PARD3B: variants seen among roughly 807,000 people sequenced by gnomAD.
PARD3B encodes the protein par-3 family cell polarity regulator beta.
Under a neutral mutation model 130.2 loss-of-function variants are expected in PARD3B, and 103 were observed. The observed-to-expected ratio is 0.79, with a 90% CI of 0.67 to 0.93. The LOEUF (loss-of-function observed/expected upper bound fraction) is 0.93. Ranked by LOEUF, PARD3B falls within the 40% of genes least tolerant of loss-of-function variation. The pLI, the probability that PARD3B is intolerant of heterozygous loss-of-function variation, is 0.00. For synonymous variants in PARD3B, 583 were observed against 553.2 expected (o/e 1.05, Z -0.76); for missense variants, 1,609 against 1,499.2 (o/e 1.07, Z -1.21).
intron 2 of PARD3B, among the ~76,000 whole-genome samples, chr2:204,871,957 G>A (rs114965138): frequency 2.2e-4 from 34 of 152,046 alleles, no homozygotes; most frequent in Non-Finnish European, 4.4e-4. Context: ...TCATTAAAAT[G>A]GACAGTCACA....
chr2:205,526,477 T>C (rs572748333), intron 21 of PARD3B, among the ~76,000 whole-genome samples: 1 of 152,312 alleles, frequency 6.6e-6, no homozygotes, highest in Admixed American at 6.5e-5. Flanking sequence ...AGCCAGAAAG[T>C]CTGCAGCAGC....
At chr2:205,233,262 C>A (rs189830079) in intron 15 of PARD3B, among the ~76,000 whole-genome samples, 12 of 152,178 alleles carry the variant, frequency 7.9e-5, no homozygotes, top group Admixed American at 6.5e-4. Flanking sequence ...AACTAGAATT[C>A]TTTAACTAGC....
Position 205,292,026 on chromosome 2 carries a change from A to G in PARD3B, c.2186-8504A>G, listed in dbSNP as rs2041627269. 6.6e-6 allele frequency among the ~76,000 whole-genome samples: 1 copy of G among 152,200 alleles called. No individual in the cohort carries two copies. The highest frequency in any genetic ancestry group is 1.5e-5 in the Non-Finnish European group (1 of 68,038). On this transcript the variant is annotated intron_variant, in intron 16 of 22. Coordinates refer to ENST00000406610, the MANE Select transcript of PARD3B (RefSeq NM_001302769.2). This position sits in a 1 kb window ranked among gnomAD's most constrained non-coding sequence, Gnocchi z 5.3. ...GGGCTGCTGGTGCCCTCAGGACCTC[A>G]GTGCATGCTGCATAGGGCAGCCAAA...
chr2:205,500,158 G>C (rs1302632480), intron 21 of PARD3B, 127 bp downstream of exon 21: 1 of 1,101,696 alleles, frequency 9.1e-7, no homozygotes, highest in South Asian at 1.8e-5. Context: ...TCATAGACAG[G>C]AACATTACCC....
intron 15 of PARD3B, among the ~76,000 whole-genome samples, chr2:205,211,520 A>G (rs1395182848): frequency 1.4e-5 from 2 of 146,176 alleles, no homozygotes; most frequent in African/African-American, 5.3e-5. Context: ...GCGATGAGGT[A>G]AATAAACGAT....
At chr2:204,880,508 G>T (rs1334425734) in intron 2 of PARD3B, among the ~76,000 whole-genome samples, 1 of 151,560 alleles carries the variant, frequency 6.6e-6, no homozygotes, top group African/African-American at 2.4e-5. Context: ...AAAATACAAA[G>T]AATTAGCCAG....
At chr2:205,270,021 G>A (rs183552525) in intron 16 of PARD3B, among the ~76,000 whole-genome samples, 5 of 152,172 alleles carry the variant, frequency 3.3e-5, no homozygotes, top group African/African-American at 1.2e-4. Context: ...TAACACAAAG[G>A]ATAAATTCTT....
intron 20 of PARD3B, among the ~76,000 whole-genome samples, chr2:205,471,706 T>A (rs1045175853): frequency 6.6e-6 from 1 of 152,188 alleles, no homozygotes; most frequent in Non-Finnish European, 1.5e-5. Context: ...CCTGAGATAC[T>A]CACTAGAAAA....
intron 4 of PARD3B, among the ~76,000 whole-genome samples, chr2:205,057,624 C>A (rs552348986): frequency 8.6e-6 from 1 of 116,552 alleles, no homozygotes; most frequent in East Asian, 2.4e-4. Context: ...TATGTGTATA[C>A]GTATATATAT....
In PARD3B at chr2:204,991,085, T is replaced by TAA. The variant is rs1379363033; in HGVS notation, c.394+25763_394+25764insAA. 6.6e-5 allele frequency among the ~76,000 whole-genome samples: 10 copies of TAA among 152,020 alleles called. 1 individual carries two copies. The highest frequency in any genetic ancestry group is 2.4e-4 in the African/African-American group (10 of 41,436). On this transcript the variant is annotated intron_variant, in intron 3 of 22. Coordinates refer to ENST00000406610, the MANE Select transcript of PARD3B (RefSeq NM_001302769.2). The stretch of plus-strand genomic sequence containing the variant: ...TCAGTTGTCATTCTTTTTTTTTTTT[T>TAA]ATTATACTTATATAAGTTTTAGGGT...
intron 2 of PARD3B, among the ~76,000 whole-genome samples, chr2:204,796,492 A>C (rs1003553428): frequency 1.3e-5 from 2 of 152,216 alleles, no homozygotes; most frequent in African/African-American, 4.8e-5. Flanking sequence ...AAAGCCTAAC[A>C]AGCTCAGTGG....
chr2:204,981,579 G>A (rs574158886), intron 3 of PARD3B, among the ~76,000 whole-genome samples: 2 of 152,128 alleles, frequency 1.3e-5, no homozygotes, highest in Non-Finnish European at 2.9e-5. Context: ...ATATTTATTG[G>A]ACACTTAACT....
intron 1 of PARD3B, among the ~76,000 whole-genome samples, chr2:204,682,145 C>T (rs190626801): frequency 2.6e-5 from 4 of 152,150 alleles, no homozygotes; most frequent in Admixed American, 2.6e-4. Context: ...ATGATGCACC[C>T]GAGGCCCAGA....
chr2:205,573,992 A>C (rs1411753220), intron 22 of PARD3B, among the ~76,000 whole-genome samples: 1 of 152,232 alleles, frequency 6.6e-6, no homozygotes, highest in Non-Finnish European at 1.5e-5. Flanking sequence ...TATTGGAGGA[A>C]AAAGAAGAAA....
At chr2:205,154,119 A>C (rs2033950901) in intron 10 of PARD3B, among the ~76,000 whole-genome samples, 1 of 152,076 alleles carries the variant, frequency 6.6e-6, no homozygotes, top group East Asian at 1.9e-4. Flanking sequence ...AACCTACAGA[A>C]TGGGAGAAAA....
At chr2:204,913,722 C>G (rs917448659) in intron 2 of PARD3B, among the ~76,000 whole-genome samples, 5 of 151,850 alleles carry the variant, frequency 3.3e-5, no homozygotes, top group African/African-American at 1.2e-4. Flanking sequence ...TTGCAGTGCC[C>G]CAATAGACAC....
chr2:205,493,460 A>G (rs1448096172), intron 20 of PARD3B, among the ~76,000 whole-genome samples: 1 of 152,122 alleles, frequency 6.6e-6, no homozygotes. Flanking sequence ...TTTTGTGAGT[A>G]TACAAAAATT....
chr2:205,002,350 C>T (rs1457077093), intron 3 of PARD3B, among the ~76,000 whole-genome samples: 1 of 152,180 alleles, frequency 6.6e-6, no homozygotes, highest in Non-Finnish European at 1.5e-5. Context: ...GGTGCCAGAC[C>T]CTGTGCTGGC....
intron 1 of PARD3B, among the ~76,000 whole-genome samples, chr2:204,567,093 G>C (rs1009549831): frequency 1.3e-5 from 2 of 152,066 alleles, no homozygotes; most frequent in Non-Finnish European, 2.9e-5. Flanking sequence ...TGGCCATGCT[G>C]GTCTTGAACT....
Sources: allele counts gnomAD v4.1 joint callset (sites outside exome capture counted in the v4.1 genomes callset), GRCh38; gene constraint gnomAD v4.1.1; non-coding constraint Gnocchi (gnomAD v3.1); transcripts MANE v1.5; gene names NCBI Gene and HGNC (gene_info 2026-07-23, HGNC 2026-07-21).